SHLD1: variants seen among roughly 807,000 people sequenced by gnomAD.
SHLD1 encodes shieldin complex subunit 1.
A neutral mutation model predicts 5.5 loss-of-function variants in SHLD1; 3 were observed. The ratio of observed to expected loss-of-function variants is 0.54; its 90% CI spans 0.25 to 1.40. SHLD1 has a LOEUF of 1.40. Ranked by LOEUF, SHLD1 falls within the 40% of genes most tolerant of loss-of-function variation. SHLD1 has a pLI of 0.15. For synonymous variants in SHLD1, 92 were observed against 94.3 expected (o/e 0.98, Z 0.14); for missense variants, 210 against 244.4 (o/e 0.86, Z 0.94).
chr20:5,821,934 TCTC>T lies in SHLD1; in HGVS notation c.179-41086_179-41084del, dbSNP rs145196691. ...ATCTCATCTCAGACATGATGGGCCA[TCTC>T]CTCTGCTGCACTCGACAGTCATACA... On this transcript the variant is annotated intron_variant, in intron 2 of 2. Coordinates refer to ENST00000303142, the MANE Select transcript of SHLD1 (RefSeq NM_152504.4). Among the ~76,000 whole-genome samples the T allele has an allele frequency of 2.1e-3, 325 of 152,056 alleles. 3 individuals are homozygous for T. The highest frequency in any genetic ancestry group is 7.6e-3 in the African/African-American group (314 of 41,496).
chr20:5,837,301 T>C (rs193078650), intron 2 of SHLD1, among the ~76,000 whole-genome samples: 116 of 152,350 alleles, frequency 7.6e-4, no homozygotes, highest in Non-Finnish European at 1.4e-3. Flanking sequence ...ACCTTTTTTT[T>C]CTTCCGCTTT....
Position 5,812,080 on chromosome 20 carries a change from C to CTT in SHLD1, c.178+39045_178+39046dup, listed in dbSNP as rs1200570680. On this transcript the variant is annotated intron_variant, in intron 2 of 2. Transcript: ENST00000303142. ...TTCTTTTTCTTTTTCTTTTTTTTTT[C>CTT]TTTTTTTTTCTTTTTTTTTTTGAGG... Among the ~76,000 whole-genome samples the CTT allele has an allele frequency of 2.4e-3, 323 of 136,794 alleles. 1 individual carries two copies. Among genetic ancestry groups the CTT allele is most frequent in the African/African-American group, 8.4e-3 (312 of 37,278 alleles). The allele number at this position is 136,794 out of a possible 152,430, so 89.7% of individuals were successfully genotyped here.
rs182694869 is a variant in SHLD1 at position 5,845,503 on chromosome 20, A to G, written c.179-17521A>G. ...CTGATCTATGGCAATGAACTTTTGC[A>G]AAGGCCAGAACTTAAGTCTACCTTA... On this transcript the variant is annotated intron_variant, in intron 2 of 2. Transcript: ENST00000303142. 7.9e-5 allele frequency among the ~76,000 whole-genome samples: 12 copies of G among 152,378 alleles called. No individual in the cohort carries two copies. The East Asian group carries it at 2.1e-3, about 27-fold the overall frequency.
chr20:5,785,852 C>T (rs1304608531), intron 2 of SHLD1, among the ~76,000 whole-genome samples: 2 of 151,456 alleles, frequency 1.3e-5, no homozygotes, highest in Admixed American at 1.3e-4. Flanking sequence ...TCTGAGCTAG[C>T]ATCTTTCTAC....
At chr20:5,814,098 G>A (rs1363805457) in intron 2 of SHLD1, among the ~76,000 whole-genome samples, 5 of 151,648 alleles carry the variant, frequency 3.3e-5, no homozygotes, top group African/African-American at 1.2e-4. Flanking sequence ...GACTACAGGC[G>A]TGTGCCACCA....
chr20:5,840,226 T>C (rs2087841364), intron 2 of SHLD1, among the ~76,000 whole-genome samples: 1 of 152,224 alleles, frequency 6.6e-6, no homozygotes, highest in African/African-American at 2.4e-5. Context: ...GCTGCATGCC[T>C]TTGAACAAGT....
intron 2 of SHLD1, among the ~76,000 whole-genome samples, chr20:5,803,064 G>A (rs1908622636): frequency 6.6e-6 from 1 of 152,144 alleles, no homozygotes; most frequent in South Asian, 2.1e-4. Flanking sequence ...CAGTCAATAA[G>A]CAACTCAAGA....
At chr20:5,859,775 T>C (rs982559526) in intron 2 of SHLD1, among the ~76,000 whole-genome samples, 16 of 152,178 alleles carry the variant, frequency 1.1e-4, no homozygotes, top group African/African-American at 3.6e-4. Flanking sequence ...CCGTATGTCA[T>C]TGGTCTTCTG....
chr20:5,803,990 T>C (rs2087337737), intron 2 of SHLD1, among the ~76,000 whole-genome samples: 1 of 151,450 alleles, frequency 6.6e-6, no homozygotes, highest in Non-Finnish European at 1.5e-5. Flanking sequence ...ATTAAGGAAG[T>C]TATCCAGTCT....
chr20:5,858,362 C>G (rs1600186387), intron 2 of SHLD1, among the ~76,000 whole-genome samples: 1 of 152,164 alleles, frequency 6.6e-6, no homozygotes, highest in East Asian at 1.9e-4. Flanking sequence ...CAGAAATAGC[C>G]ATGGAAAGTT....
At chr20:5,835,122 G>T (rs915932401) in intron 2 of SHLD1, among the ~76,000 whole-genome samples, 12 of 152,142 alleles carry the variant, frequency 7.9e-5, no homozygotes, top group Non-Finnish European at 1.2e-4. Flanking sequence ...GAGAACATAG[G>T]TGGTATTCTG....
chr20:5,852,362 T>A (rs1037131151), intron 2 of SHLD1, among the ~76,000 whole-genome samples: 9 of 152,120 alleles, frequency 5.9e-5, no homozygotes. Flanking sequence ...ACAGTACAGA[T>A]CTAGATGCAT....
At chr20:5,833,928 G>T (rs1459830792) in intron 2 of SHLD1, among the ~76,000 whole-genome samples, 1 of 152,090 alleles carries the variant, frequency 6.6e-6, no homozygotes, top group Non-Finnish European at 1.5e-5. Context: ...ACCTAAAGTG[G>T]TCCTATAGCC....
At chr20:5,820,843 C>G (rs1012911978) in intron 2 of SHLD1, among the ~76,000 whole-genome samples, 1 of 152,130 alleles carries the variant, frequency 6.6e-6, no homozygotes, top group Non-Finnish European at 1.5e-5. Context: ...AGAAAGAGAC[C>G]AGGGATGACA....
At chr20:5,860,610 C>T (rs781611778) in intron 2 of SHLD1, among the ~76,000 whole-genome samples, 3 of 151,994 alleles carry the variant, frequency 2.0e-5, no homozygotes, top group Non-Finnish European at 4.4e-5. Flanking sequence ...TTGCATTTGG[C>T]TGTCATGGCT....
chr20:5,863,471 C>T lies in SHLD1; in HGVS notation c.*8C>T, dbSNP rs141147152. 4.7e-4 allele frequency: 740 copies of T among 1,585,804 alleles called. 4 individuals are homozygous for T. The African/African-American group carries it at 7.6e-3, about 16-fold the overall frequency. On this transcript the variant is annotated 3_prime_UTR_variant, in exon 3 of 3. Coordinates refer to ENST00000303142, the MANE Select transcript of SHLD1 (RefSeq NM_152504.4). ...GTAATGAAAGACCTGTAACTGGTGCCGGGCAGTGTGCAGGGTAGTAATGGA... is the reference window on the plus strand; with the variant it reads ...GTAATGAAAGACCTGTAACTGGTGCTGGGCAGTGTGCAGGGTAGTAATGGA...
At chr20:5,843,694 T>G (rs866077549) in intron 2 of SHLD1, among the ~76,000 whole-genome samples, 2 of 152,236 alleles carry the variant, frequency 1.3e-5, no homozygotes, top group African/African-American at 4.8e-5. Flanking sequence ...GTCAAACATT[T>G]TAAAAGATTT....
intron 2 of SHLD1, among the ~76,000 whole-genome samples, chr20:5,803,683 AC>A (rs1346322980): frequency 6.6e-6 from 1 of 151,854 alleles, no homozygotes; most frequent in East Asian, 1.9e-4. Flanking sequence ...ATCCTGGTCA[AC>A]ATGGTGAAAG....
intron 2 of SHLD1, among the ~76,000 whole-genome samples, chr20:5,839,624 C>T (rs2122464077): frequency 6.6e-6 from 1 of 152,302 alleles, no homozygotes; most frequent in South Asian, 2.1e-4. Context: ...AAGCTTTAGT[C>T]TCAAGCTCCC....
Sources: allele counts gnomAD v4.1 joint callset (sites outside exome capture counted in the v4.1 genomes callset), GRCh38; gene constraint gnomAD v4.1.1; transcripts MANE v1.5; gene names NCBI Gene and HGNC (gene_info 2026-07-23, HGNC 2026-07-21).